RPH3A: variants seen among roughly 807,000 people sequenced by gnomAD.
RPH3A encodes rabphilin-3A.
A neutral mutation model predicts 102.2 loss-of-function variants in RPH3A; 48 were observed. The ratio of observed to expected loss-of-function variants is 0.47; its 90% CI spans 0.37 to 0.60. RPH3A has a LOEUF of 0.60. Among genes scored for constraint, RPH3A ranks in the 20% least tolerant of loss-of-function variants. The pLI is 0.00. For missense variants in RPH3A, 781 were observed against 910.1 expected (o/e 0.86, Z 1.83); for synonymous variants, 310 against 324.3 (o/e 0.96, Z 0.47).
intron 1 of RPH3A, among the ~76,000 whole-genome samples, chr12:112,671,007 G>A (rs1030803613): frequency 5.3e-5 from 8 of 151,898 alleles, no homozygotes; most frequent in Non-Finnish European, 8.8e-5. Context: ...ACAGGGGGGA[G>A]ATGCCCAAGT....
At chr12:112,808,866 AC>A (rs2041517890) in intron 2 of RPH3A, among the ~76,000 whole-genome samples, 1 of 152,150 alleles carries the variant, frequency 6.6e-6, no homozygotes, top group South Asian at 2.1e-4. Context: ...TTTGAGGTGC[AC>A]TGGCTTGAAG....
At chr12:112,784,629 C>T (rs143166598) in intron 1 of RPH3A, among the ~76,000 whole-genome samples, 5 of 152,156 alleles carry the variant, frequency 3.3e-5, no homozygotes, top group South Asian at 2.1e-4. Flanking sequence ...TGTTCTGGGC[C>T]GTGAGAACTC....
chr12:112,682,380 G>A (rs1416122228), intron 1 of RPH3A, among the ~76,000 whole-genome samples: 1 of 145,284 alleles, frequency 6.9e-6, no homozygotes, highest in Non-Finnish European at 1.5e-5. Flanking sequence ...TTCTGTTCTT[G>A]GATGATGCCT....
intron 19 of RPH3A, among the ~76,000 whole-genome samples, chr12:112,891,510 G>T (rs1397421849): frequency 1.3e-5 from 2 of 152,222 alleles, no homozygotes; most frequent in Non-Finnish European, 2.9e-5. Context: ...GCCAAAATAG[G>T]ATTAAGCAGA....
At chr12:112,804,582 G>T (rs1361022404) in intron 2 of RPH3A, among the ~76,000 whole-genome samples, 1 of 152,226 alleles carries the variant, frequency 6.6e-6, no homozygotes, top group Non-Finnish European at 1.5e-5. Context: ...CTGGCTGGCT[G>T]GTGATAGAGC....
At chr12:112,786,293 C>A (rs190628150) in intron 1 of RPH3A, among the ~76,000 whole-genome samples, 4 of 152,346 alleles carry the variant, frequency 2.6e-5, no homozygotes, top group Non-Finnish European at 4.4e-5. Context: ...GGCTTCCCCA[C>A]GACTGCCCTT....
intron 1 of RPH3A, among the ~76,000 whole-genome samples, chr12:112,619,216 A>C (rs1026123146): frequency 6.6e-6 from 1 of 151,058 alleles, no homozygotes; most frequent in Non-Finnish European, 1.5e-5. Flanking sequence ...TTGGGTATAT[A>C]CCCAGGAATG....
At chr12:112,792,965 G>C (rs1242961071) in intron 2 of RPH3A, among the ~76,000 whole-genome samples, 1 of 140,990 alleles carries the variant, frequency 7.1e-6, no homozygotes, top group Non-Finnish European at 1.5e-5. Context: ...GTGATTGTAT[G>C]GGGGAGCGTC....
chr12:112,609,749 A>G (rs1163593741), intron 1 of RPH3A, among the ~76,000 whole-genome samples: 2 of 152,174 alleles, frequency 1.3e-5, no homozygotes, highest in African/African-American at 4.8e-5. Context: ...CCAACCTGTC[A>G]TCTTGATGCC....
At chr12:112,790,280 A>T (rs997013036), upstream of RPH3A, among the ~76,000 whole-genome samples, 1 of 151,622 alleles carries the variant, frequency 6.6e-6, no homozygotes, top group East Asian at 1.9e-4. Context: ...CTGATCTCGA[A>T]CTCCTGACCT....
intron 1 of RPH3A, among the ~76,000 whole-genome samples, chr12:112,713,102 T>TCTTCTTCTTCTTC (rs575141531): frequency 7.4e-6 from 1 of 135,668 alleles, no homozygotes; most frequent in Admixed American, 8.6e-5. Context: ...TTCTTCTTCT[T>TCTTCTTCTTCTTC]TTATTTTTTT....
At chr12:112,719,232 C>A (rs541857267) in intron 1 of RPH3A, among the ~76,000 whole-genome samples, 1 of 152,250 alleles carries the variant, frequency 6.6e-6, no homozygotes, top group Non-Finnish European at 1.5e-5. Flanking sequence ...TTAGGATTAT[C>A]TCCTAAATAT....
At chr12:112,865,809 A>G (rs2042602720) in intron 6 of RPH3A, among the ~76,000 whole-genome samples, 1 of 152,234 alleles carries the variant, frequency 6.6e-6, no homozygotes, top group South Asian at 2.1e-4. Context: ...AGCCTGTGGC[A>G]GAACATGAGC....
intron 4 of RPH3A, among the ~76,000 whole-genome samples, chr12:112,845,498 C>T (rs1247407877): frequency 6.6e-5 from 10 of 152,234 alleles, no homozygotes; most frequent in Non-Finnish European, 4.4e-5. Context: ...CGGGAGGTAC[C>T]TGTGCGAACA....
Position 112,620,383 on chromosome 12 carries a change from C to T in RPH3A, c.-140+45064C>T, listed in dbSNP as rs1347536597. Among the ~76,000 whole-genome samples the T allele has an allele frequency of 2.0e-5, 3 of 152,144 alleles. No individual in the cohort carries two copies. The South Asian group carries it at 6.2e-4, about 32-fold the overall frequency. ...ATACTGAGCAGATTAATTACAAATG[C>T]TCATTATACTCACTGAGTTTTCACT... On this transcript the variant is annotated intron_variant, in intron 1 of 21. Coordinates refer to the RPH3A transcript ENST00000543106.
chr12:112,782,971 C>A (rs2041019287), intron 1 of RPH3A, among the ~76,000 whole-genome samples: 1 of 152,194 alleles, frequency 6.6e-6, no homozygotes, highest in African/African-American at 2.4e-5. Context: ...AGATTTTGGA[C>A]ACACAGTGTT....
At chr12:112,590,111 A>G (rs1310078593) in intron 1 of RPH3A, among the ~76,000 whole-genome samples, 1 of 151,946 alleles carries the variant, frequency 6.6e-6, no homozygotes, top group East Asian at 1.9e-4. Context: ...AAGGAAAAAT[A>G]ATAATAGGGC....
chr12:112,800,711 G>A (rs1565888117), intron 2 of RPH3A, among the ~76,000 whole-genome samples: 1 of 152,060 alleles, frequency 6.6e-6, no homozygotes, highest in Non-Finnish European at 1.5e-5. Flanking sequence ...CTTTACTGAT[G>A]GATCAGACAT....
chr12:112,718,329 C>G (rs954692208), intron 1 of RPH3A, among the ~76,000 whole-genome samples: 9 of 152,132 alleles, frequency 5.9e-5, no homozygotes, highest in African/African-American at 2.2e-4. Context: ...AAATGGAATA[C>G]ATCAAGGGCT....
Sources: allele counts gnomAD v4.1 joint callset (sites outside exome capture counted in the v4.1 genomes callset), GRCh38; gene constraint gnomAD v4.1.1; transcripts MANE v1.5; gene names NCBI Gene and HGNC (gene_info 2026-07-23, HGNC 2026-07-21).